The following TRIM14 variants were observed in gnomAD, a reference collection of about 807,000 sequenced individuals.
The protein encoded by TRIM14 is tripartite motif-containing protein 14.
Under a neutral mutation model 44.5 loss-of-function variants are expected in TRIM14, and 28 were observed. The observed-to-expected ratio is 0.63, with a 90% CI of 0.47 to 0.86. TRIM14 has a LOEUF of 0.86. Among genes scored for constraint, TRIM14 ranks in the 40% least tolerant of loss-of-function variants. TRIM14 has a pLI of 0.00. For missense variants in TRIM14, 607 were observed against 611.1 expected, an observed-to-expected ratio of 0.99 and a Z score of 0.07; for synonymous variants, 299 against 269.2, an observed-to-expected ratio of 1.11 and a Z score of -1.08.
At chr9:98,056,664 G>T in the TRIM14 span, 1 of 1,272,484 alleles carries the variant, frequency 7.9e-7, no homozygotes, top group Admixed American at 2.5e-5. Context: ...CGGGGCCTAG[G>T]GGATTGGCTG....
At chr9:98,094,775 A>G in intron 4 of TRIM14, 92 bp downstream of exon 4, 1 of 1,454,494 alleles carries the variant, frequency 6.9e-7, no homozygotes, top group Non-Finnish European at 9.4e-7. Context: ...TGTGGGAGAG[A>G]CAGGATGTAG....
Position 98,104,510 on chromosome 9 carries a change from G to A in TRIM14, c.304-4346C>T, listed in dbSNP as rs114652882. On this transcript the variant is annotated intron_variant, in intron 2 of 5. Transcript: ENST00000341469. Reference sequence around the variant, plus strand: ...GCAGATGAGGCTGATTATGCAATATGGTCAGAAAGGGGTAGAGAGAGAGAG... The same window carrying A: ...GCAGATGAGGCTGATTATGCAATATAGTCAGAAAGGGGTAGAGAGAGAGAG... 4.8e-3 allele frequency among the ~76,000 whole-genome samples: 731 copies of A among 151,896 alleles called. 3 individuals carry two copies. The highest frequency in any genetic ancestry group is 0.017 in the African/African-American group (692 of 41,240).
At chr9:98,063,357 T>C in the TRIM14 span, among the ~76,000 whole-genome samples, 1 of 152,170 alleles carries the variant, frequency 6.6e-6, no homozygotes, top group South Asian at 2.1e-4. Context: ...TTCTCATGGC[T>C]CAGCCTCCTG....
At chr9:98,068,726 C>T (rs563621896), downstream of TRIM14, among the ~76,000 whole-genome samples, 2 of 150,332 alleles carry the variant, frequency 1.3e-5, no homozygotes, top group South Asian at 2.1e-4. Context: ...GGCAGGAAGG[C>T]GGGAGGCTTC....
chr9:98,048,725 A>C, the TRIM14 span, among the ~76,000 whole-genome samples: 2 of 152,122 alleles, frequency 1.3e-5, no homozygotes, highest in African/African-American at 4.8e-5. Context: ...AAATCGTTCA[A>C]CTTGAGTAAA....
chr9:98,063,058 TC>T, the TRIM14 span, among the ~76,000 whole-genome samples: 1 of 151,572 alleles, frequency 6.6e-6, no homozygotes, highest in Non-Finnish European at 1.5e-5. Context: ...TGTCTCAGTC[TC>T]CCAAGTATGC....
chr9:98,108,246 G>T (rs1826699266), intron 2 of TRIM14, among the ~76,000 whole-genome samples: 1 of 152,090 alleles, frequency 6.6e-6, no homozygotes, highest in Admixed American at 6.5e-5. Flanking sequence ...GAGAACCATG[G>T]CTTAGATTAA....
At chr9:98,082,743 G>T (rs1447885578), downstream of TRIM14, 1 of 1,092,022 alleles carries the variant, frequency 9.2e-7, no homozygotes, top group Non-Finnish European at 1.3e-6. Context: ...TGCTCCCAAG[G>T]TACTGCCTGG....
At chr9:98,071,228 T>C (rs915114981) in intron 6 of TRIM14, among the ~76,000 whole-genome samples, 10 of 152,234 alleles carry the variant, frequency 6.6e-5, no homozygotes, top group Admixed American at 2.0e-4. Context: ...CACGACTGTA[T>C]GGTACACACC....
chr9:98,094,723 A>T, intron 4 of TRIM14, 144 bp downstream of exon 4: 1 of 893,336 alleles, frequency 1.1e-6, no homozygotes, highest in Non-Finnish European at 1.7e-6. Context: ...TGGGTTGGGC[A>T]CCAGGCCCAG....
downstream of TRIM14, chr9:98,082,993 G>A: frequency 1.2e-6 from 2 of 1,614,184 alleles, no homozygotes; most frequent in Non-Finnish European, 1.7e-6. Flanking sequence ...GGTCACTGTT[G>A]AAGAGGATGA....
intron 1 of TRIM14, 42 bp downstream of exon 1, chr9:98,118,940 C>T (rs1353675517): frequency 2.7e-6 from 4 of 1,458,672 alleles, no homozygotes; most frequent in Admixed American, 5.2e-5. Context: ...GGGCTGGCTC[C>T]CCCAACTCCC....
At chr9:98,039,740 C>T in the TRIM14 span, among the ~76,000 whole-genome samples, 1 of 152,056 alleles carries the variant, frequency 6.6e-6, no homozygotes, top group Non-Finnish European at 1.5e-5. Flanking sequence ...GCTCCGACTC[C>T]CTATGATTTC....
downstream of TRIM14, among the ~76,000 whole-genome samples, chr9:98,068,392 G>A (rs868084273): frequency 5.3e-5 from 8 of 151,874 alleles, no homozygotes; most frequent in South Asian, 4.2e-4. Context: ...TGCCTTCCTC[G>A]GCCTCCCAAA....
the TRIM14 span, among the ~76,000 whole-genome samples, chr9:98,044,005 C>CTTTTTTTTTTTT: frequency 7.6e-6 from 1 of 131,258 alleles, no homozygotes. Context: ...TATTTGTTTC[C>CTTTTTTTTTTTT]TTTTTTTTTT....
At chr9:98,069,670 T>G (rs1315371451) in exon 7 of TRIM14, 1 of 152,260 alleles carries the variant, frequency 6.6e-6, no homozygotes, top group Non-Finnish European at 1.5e-5. Flanking sequence ...TACTGTACGA[T>G]TCTGCTTCCA....
chr9:98,038,622 C>A, the TRIM14 span, among the ~76,000 whole-genome samples: 1 of 152,196 alleles, frequency 6.6e-6, no homozygotes, highest in Non-Finnish European at 1.5e-5. Flanking sequence ...TTAATTTCCA[C>A]TTATTCACAA....
intron 5 of TRIM14, among the ~76,000 whole-genome samples, chr9:98,091,521 A>T (rs959920986): frequency 6.6e-6 from 1 of 152,186 alleles, no homozygotes; most frequent in African/African-American, 2.4e-5. Flanking sequence ...ATATATGTTC[A>T]TAATATATCA....
intron 1 of TRIM14, among the ~76,000 whole-genome samples, chr9:98,115,602 T>TGG: frequency 6.6e-6 from 1 of 152,264 alleles, no homozygotes; most frequent in Non-Finnish European, 1.5e-5. Context: ...CAGGCTGATC[T>TGG]CCAACTCCTG....
Sources: allele counts gnomAD v4.1 joint callset (sites outside exome capture counted in the v4.1 genomes callset), GRCh38; gene constraint gnomAD v4.1.1; transcripts MANE v1.5; gene names NCBI Gene and HGNC (gene_info 2026-07-23, HGNC 2026-07-21).